ZNF518A: variants seen among roughly 807,000 people sequenced by gnomAD.
ZNF518A encodes the protein zinc finger protein 518.
In ZNF518A, 47 loss-of-function variants were observed where a neutral mutation model predicts 102.7. The observed-to-expected ratio is 0.46, with a 90% CI of 0.36 to 0.58. ZNF518A has a LOEUF of 0.58. Ranked by LOEUF, ZNF518A falls within the 20% of genes least tolerant of loss-of-function variation. The pLI, the probability that ZNF518A is intolerant of heterozygous loss-of-function variation, is 0.00. For synonymous variants in ZNF518A, 652 were observed against 594.6 expected (o/e 1.10, Z -1.40); for missense variants, 1,793 against 1,699.8 (o/e 1.05, Z -0.96).
At chr10:96,196,957 A>G (rs201384181) in intron 1 of ZNF518A, 1 of 1,613,674 alleles carries the variant, frequency 6.2e-7, no homozygotes, top group East Asian at 2.2e-5. Flanking sequence ...TGTTGCTTCA[A>G]TAAATCGCAC....
Position 96,157,578 on chromosome 10 carries a change from T to C in ZNF518A, c.1256T>C (p.Val419Ala). The C allele has an allele frequency of 1.9e-6, 3 of 1,613,670 alleles. No homozygotes were observed. The highest frequency in any genetic ancestry group is 2.5e-6 in the Non-Finnish European group (3 of 1,179,724). Residue 419 changes from valine (V) to alanine (A), a missense_variant, in exon 6 of 6, where the codon GTA (valine) becomes GCA (alanine). This residue lies in a region of ZNF518A where 1,741 missense variants were observed against 1,622.6 expected (regional missense o/e 1.07). Coordinates refer to ENST00000316045, the MANE Select transcript of ZNF518A (RefSeq NM_001330736.2). ...AGTTCAGGTTTCATGAAGACTGCTGTACTAGGACCTACACTGAAAAATGTA... is the reference window on the plus strand; with the variant it reads ...AGTTCAGGTTTCATGAAGACTGCTGCACTAGGACCTACACTGAAAAATGTA... ...NASSGFMKTA[V>A]LGPTLKNVMM...
chr10:96,136,252 T>C (rs1368848529), intron 3 of ZNF518A, among the ~76,000 whole-genome samples: 1 of 151,886 alleles, frequency 6.6e-6, no homozygotes, highest in African/African-American at 2.4e-5. Flanking sequence ...TACTGTAAAA[T>C]TACTCATTTT....
intron 1 of ZNF518A, among the ~76,000 whole-genome samples, chr10:96,181,595 G>A (rs587636833): frequency 6.6e-6 from 1 of 151,946 alleles, no homozygotes; most frequent in South Asian, 2.1e-4. Flanking sequence ...CCATTAATTA[G>A]GGAATCCTTT....
intron 3 of ZNF518A, among the ~76,000 whole-genome samples, chr10:96,147,724 T>G (rs1419824900): frequency 6.6e-6 from 1 of 152,222 alleles, no homozygotes; most frequent in Non-Finnish European, 1.5e-5. Flanking sequence ...CCTTTTTTGT[T>G]TCTATTTAGA....
chr10:96,201,485 T>A (rs1248565169), intron 1 of ZNF518A, among the ~76,000 whole-genome samples: 2 of 152,260 alleles, frequency 1.3e-5, no homozygotes, highest in African/African-American at 4.8e-5. Flanking sequence ...TTATTTATGT[T>A]AACATGTAAT....
intron 1 of ZNF518A, among the ~76,000 whole-genome samples, chr10:96,184,197 C>T (rs2083257203): frequency 6.6e-6 from 1 of 152,166 alleles, no homozygotes; most frequent in Non-Finnish European, 1.5e-5. Context: ...ATGTGTGTCT[C>T]TGCACGTGAG....
intron 1 of ZNF518A, among the ~76,000 whole-genome samples, chr10:96,178,171 A>G (rs2083217168): frequency 6.6e-6 from 1 of 152,110 alleles, no homozygotes; most frequent in Non-Finnish European, 1.5e-5. Context: ...TTAGCAGACT[A>G]TGCCTTCTTC....
intron 2 of ZNF518A, chr10:96,132,939 C>CT (rs1467407478): frequency 6.6e-6 from 1 of 151,788 alleles, no homozygotes; most frequent in African/African-American, 2.4e-5. Flanking sequence ...AGAATGAAAC[C>CT]CTTCTGTTCC....
In ZNF518A at chr10:96,150,743, CTTTTTT is replaced by C. The variant is rs10675397; in HGVS notation, c.-301-4568_-301-4563del. Among the ~76,000 whole-genome samples the C allele has an allele frequency of 2.9e-3, 89 of 30,304 alleles. 3 individuals carry two copies. The highest frequency in any genetic ancestry group is 0.01 in the African/African-American group (76 of 7,394). The allele number at this position is 30,304 out of a possible 152,430, so 19.9% of individuals were successfully genotyped here. A position where few individuals can be genotyped will look rare whatever the true frequency, so the allele number is the denominator to read the frequency against. ...TTATTGCAGCAACTTTCTTTCTTTCCTTTTTTTTTTTTTTTTTTTTGGAGACAGAGT... is the reference window on the plus strand; with the variant it reads ...TTATTGCAGCAACTTTCTTTCTTTCCTTTTTTTTTTTTTTGGAGACAGAGT... On this transcript the variant is annotated intron_variant, in intron 3 of 5. Transcript: ENST00000316045.
At chr10:96,133,315 C>T (rs781932313) in intron 2 of ZNF518A, among the ~76,000 whole-genome samples, 1 of 152,196 alleles carries the variant, frequency 6.6e-6, no homozygotes, top group African/African-American at 2.4e-5. Flanking sequence ...GAAAAATTAT[C>T]TGATATGTGT....
At position 96,158,106 on chromosome 10, in the gene ZNF518A, T is replaced by C. The variant is rs1554884223; in HGVS notation, c.1784T>C (p.Ile595Thr). 6.2e-7 allele frequency: 1 copy of C among 1,613,572 alleles called. No homozygotes were observed. The highest frequency in any genetic ancestry group is 8.5e-7 in the Non-Finnish European group (1 of 1,179,684). The change falls in exon 6 of 6, where the codon ATT (isoleucine) becomes ACT (threonine). Residue 595 changes from isoleucine to threonine, a missense_variant. Ile to Thr is a moderately conservative substitution (Grantham distance 89, BLOSUM62 -1). Transcript: ENST00000316045. ...QSHPEVLGTT[I>T]KSPDKVNCVA... ...CACCCCGAGGTATTAGGTACCACCATTAAAAGTCCAGATAAAGTCAACTGT... is the reference window on the plus strand; with the variant it reads ...CACCCCGAGGTATTAGGTACCACCACTAAAAGTCCAGATAAAGTCAACTGT...
At chr10:96,174,871 A>T (rs1554891283) in intron 1 of ZNF518A, among the ~76,000 whole-genome samples, 1 of 152,162 alleles carries the variant, frequency 6.6e-6, no homozygotes, top group Non-Finnish European at 1.5e-5. Flanking sequence ...TCCAATTAGG[A>T]TGTGGGGCCT....
chr10:96,189,340 C>A, intron 1 of ZNF518A: 2 of 546,316 alleles, frequency 3.7e-6, no homozygotes, highest in Non-Finnish European at 7.0e-6. Context: ...AAAATGTTAA[C>A]AAATTGTTTA....
intron 1 of ZNF518A, chr10:96,197,191 T>G (rs956922601): frequency 1.2e-5 from 8 of 672,988 alleles, no homozygotes; most frequent in African/African-American, 1.8e-5. Context: ...TACATTATTT[T>G]TATTATTGAT....
At chr10:96,139,785 A>G (rs1554875812) in intron 3 of ZNF518A, among the ~76,000 whole-genome samples, 1 of 152,220 alleles carries the variant, frequency 6.6e-6, no homozygotes, top group Non-Finnish European at 1.5e-5. Context: ...GTTAGAAATG[A>G]TGGTGGCCTG....
intron 3 of ZNF518A, among the ~76,000 whole-genome samples, chr10:96,137,204 T>G (rs2081641775): frequency 6.6e-6 from 1 of 152,228 alleles, no homozygotes; most frequent in Non-Finnish European, 1.5e-5. Flanking sequence ...TTCACTAGAT[T>G]CCGTCCGTTC....
At chr10:96,195,390 C>A (rs1478179797) in intron 1 of ZNF518A, among the ~76,000 whole-genome samples, 1 of 152,114 alleles carries the variant, frequency 6.6e-6, no homozygotes, top group Admixed American at 6.5e-5. Context: ...TTCACAATAG[C>A]CAAGAGGTAG....
chr10:96,190,287 C>T (rs1554893094), intron 1 of ZNF518A: 2 of 674,402 alleles, frequency 3.0e-6, no homozygotes, highest in Non-Finnish European at 5.5e-6. Context: ...CTCAAGAGAA[C>T]AGCCATACAG....
chr10:96,180,347 C>CT (rs113344263), intron 1 of ZNF518A, among the ~76,000 whole-genome samples: 35 of 148,064 alleles, frequency 2.4e-4, no homozygotes, highest in South Asian at 4.3e-4. Flanking sequence ...ATTTTTTCAT[C>CT]TTTTTTTTTT....
Sources: gnomAD v4.1 joint callset for allele counts (sites outside exome capture counted in the v4.1 genomes callset) on GRCh38, gnomAD v4.1.1 for gene constraint, gnomAD v4.1.1 regional missense constraint, MANE v1.5 for transcripts, NCBI Gene and HGNC (gene_info 2026-07-23, HGNC 2026-07-21) for gene names.